Variants in COQ7 observed in about 807,000 individuals in gnomAD.
COQ7 encodes coenzyme Q7, hydroxylase.
Under a neutral mutation model 25.0 loss-of-function variants are expected in COQ7, and 21 were observed. The ratio of observed to expected loss-of-function variants is 0.84; its 90% confidence interval spans 0.60 to 1.21. COQ7 has a LOEUF of 1.21. Ranked by LOEUF, COQ7 falls within the 50% of genes most tolerant of loss-of-function variation. COQ7 has a pLI of 0.00. For synonymous variants in COQ7, 125 were observed against 112.4 expected, an observed-to-expected ratio of 1.11 and a Z score of -0.71; for missense variants, 311 against 296.2, an observed-to-expected ratio of 1.05 and a Z score of -0.37.
Position 19,067,637 on chromosome 16 carries a change from G to T in COQ7, c.-28G>T, listed in dbSNP as rs373677133. On this transcript the variant is annotated 5_prime_UTR_variant, in exon 1 of 6. Coordinates refer to ENST00000321998, the MANE Select transcript of COQ7 (RefSeq NM_016138.5). Reference sequence around the variant, plus strand: ...GCACTATTGGCCAGTTCCGTTCAACGAAGTGGTTGCTTTTTTTAGTTCCGG... The same window carrying T: ...GCACTATTGGCCAGTTCCGTTCAACTAAGTGGTTGCTTTTTTTAGTTCCGG... 2 of 1,613,538 alleles carry T rather than the reference G, an allele frequency of 1.2e-6. No individual in the cohort carries two copies. The highest frequency in any genetic ancestry group is 1.3e-5 in the African/African-American group (1 of 75,026).
intron 3 of COQ7, 101 bp downstream of exon 3, chr16:19,074,136 C>A (rs1392870139): frequency 8.8e-6 from 7 of 794,460 alleles, no homozygotes; most frequent in African/African-American, 1.8e-5. Context: ...CTCTTATGAC[C>A]TCATTCTGTT....
rs189081030 is a variant in COQ7, at chr16:19,078,604, C to G, written c.*446C>G. ...CCAAGTAGCTGGGACTACAGGTGTG[C>G]ACCACCACAGCTGGCTAATTCTATT... is the stretch of plus-strand genomic sequence containing the variant. On this transcript the variant is annotated 3_prime_UTR_variant, in exon 6 of 6. Transcript: ENST00000321998. The G allele has an allele frequency of 3.0e-3, 458 of 152,300 alleles. 4 individuals are homozygous for G. Among genetic ancestry groups the G allele is most frequent in the Non-Finnish European group, 4.9e-3 (331 of 68,120 alleles). The allele number at this position is 152,300 out of a possible 1,614,324, so 9.4% of individuals were successfully genotyped here. A position where few individuals can be genotyped will look rare whatever the true frequency, so the allele number is the denominator to read the frequency against.
chr16:19,071,890 T>C, intron 1 of COQ7, 38 bp from the exon 2 acceptor site: 1 of 1,611,828 alleles, frequency 6.2e-7, no homozygotes, highest in Non-Finnish European at 8.5e-7. Flanking sequence ...ATCTGGATTT[T>C]ACCTGATCAT....
chr16:19,075,963 G>T, intron 4 of COQ7, 103 bp downstream of exon 4: 2 of 1,471,908 alleles, frequency 1.4e-6, no homozygotes, highest in Non-Finnish European at 1.9e-6. Context: ...GATGATGGGG[G>T]TTTAGAGGCT....
chr16:19,073,360 G>A (rs192592673), intron 2 of COQ7, among the ~76,000 whole-genome samples: 9 of 152,046 alleles, frequency 5.9e-5, no homozygotes, highest in African/African-American at 2.2e-4. Context: ...AGGTGTAGTG[G>A]CATGTGACTG....
In COQ7 at chr16:19,079,778, G is replaced by A. The variant is rs1488092758; in HGVS notation, c.*1620G>A. 6.6e-6 allele frequency: 1 copy of A among 152,134 alleles called. No homozygotes were observed. The highest frequency in any genetic ancestry group is 2.1e-4 in the South Asian group (1 of 4,830). The allele number at this position is 152,134 out of a possible 1,614,324, so 9.4% of individuals were successfully genotyped here. On this transcript the variant is annotated 3_prime_UTR_variant, in exon 6 of 6. Coordinates refer to ENST00000321998, the MANE Select transcript of COQ7 (RefSeq NM_016138.5). ...GACTTGGCAGGACTTGCCCCACCAG[G>A]GTCTGGCTTTGAAGGGTAGTGGACA... is the stretch of plus-strand genomic sequence containing the variant.
chr16:19,067,733 C>G lies in COQ7; in HGVS notation c.69C>G (p.Leu23=). 1.9e-6 allele frequency: 3 copies of G among 1,603,508 alleles called. No homozygotes were observed. The highest frequency in any genetic ancestry group is 2.2e-5 in the East Asian group (1 of 44,788). ...WRLRPGARRS[L]SAYGRRTSVR... ...TGCGCCCGGGGGCCCGGCGGTCCCT[C>G]TCAGGTAAAAGGAGGCGCGCAGTCA... The change falls in exon 1 of 6, where the codon CTC becomes CTG. Residue 23 remains leucine (L), a synonymous_variant. Transcript: ENST00000321998.
chr16:19,081,139 A>G (rs1386537311), downstream of COQ7, among the ~76,000 whole-genome samples: 2 of 152,210 alleles, frequency 1.3e-5, no homozygotes, highest in African/African-American at 2.4e-5. Context: ...ATTTTGAGCT[A>G]TTTACAGCTT....
chr16:19,068,127 C>T (rs2142350845), intron 1 of COQ7: 2 of 1,062,076 alleles, frequency 1.9e-6, no homozygotes, highest in East Asian at 8.0e-5. Flanking sequence ...AGCCCGACGA[C>T]CAGCAGCCTC....
chr16:19,073,317 A>AAAAAAAACC (rs747808344), intron 2 of COQ7, among the ~76,000 whole-genome samples: 1 of 98,300 alleles, frequency 1.0e-5, no homozygotes, highest in Non-Finnish European at 2.3e-5. Context: ...TCAAAAAAAC[A>AAAAAAAACC]AAAAAAACCG....
intron 4 of COQ7, 26 bp from the exon 5 acceptor site, chr16:19,077,280 G>A: frequency 6.2e-7 from 1 of 1,608,264 alleles, no homozygotes; most frequent in Non-Finnish European, 8.5e-7. Flanking sequence ...AGGCTAACTT[G>A]CTTTGGTGTC....
downstream of COQ7, among the ~76,000 whole-genome samples, chr16:19,083,022 T>C (rs1185202818): frequency 6.6e-6 from 1 of 152,152 alleles, no homozygotes; most frequent in Non-Finnish European, 1.5e-5. Context: ...AAAAATGTTC[T>C]AGAATCGGTG....
In COQ7 at chr16:19,075,815, G is replaced by A; in HGVS notation, c.462G>A (p.Arg154=). 6.2e-7 allele frequency: 1 copy of A among 1,614,230 alleles called. No individual in the cohort carries two copies. The highest frequency in any genetic ancestry group is 1.1e-5 in the South Asian group (1 of 91,084). Residue 154 remains arginine (R), a synonymous_variant, in exon 4 of 6, where the codon AGG becomes AGA. Coordinates refer to ENST00000321998, the MANE Select transcript of COQ7 (RefSeq NM_016138.5). The stretch of plus-strand genomic sequence containing the variant: ...CACATCACTACAACAACCAGATCAG[G>A]ACGCTGATGGAGGAGGACCCTGAAA... ...SIAHHYNNQI[R]TLMEEDPEKY... is the part of the protein sequence containing the mutation.
At chr16:19,068,252 CTG>C in intron 1 of COQ7, 2 of 996,940 alleles carry the variant, frequency 2.0e-6, no homozygotes, top group Non-Finnish European at 2.4e-6. Context: ...GCACTGTAAA[CTG>C]TGAAAGCCAT....
downstream of COQ7, among the ~76,000 whole-genome samples, chr16:19,082,467 GC>G (rs1427140661): frequency 6.6e-6 from 1 of 151,646 alleles, no homozygotes; most frequent in Non-Finnish European, 1.5e-5. Flanking sequence ...GAACAGTCTA[GC>G]CTGGGTGACT....
In COQ7 at chr16:19,074,037, T is replaced by G; in HGVS notation, c.367+2T>G. The G allele has an allele frequency of 6.2e-7, 1 of 1,608,114 alleles. No individual in the cohort carries two copies. Among genetic ancestry groups the G allele is most frequent in the Non-Finnish European group, 8.5e-7 (1 of 1,175,550 alleles). ...GGAACGTGCTGGGGTTTGCACTGGG[T>G]ACGTGTCTCTCTAGAAGAGCTTATG... On this transcript the variant is annotated splice_donor_variant, in intron 3 of 5. Coordinates refer to ENST00000321998, the MANE Select transcript of COQ7 (RefSeq NM_016138.5). LOFTEE classifies it high-confidence loss of function.
At chr16:19,075,688 C>G (rs1403486495) in intron 3 of COQ7, 33 bp from the exon 4 acceptor site, 5 of 1,535,704 alleles carry the variant, frequency 3.3e-6, no homozygotes, top group Non-Finnish European at 4.4e-6. Flanking sequence ...ATATCTGTCT[C>G]TTACTTTTCT....
At chr16:19,071,790 CAG>C in intron 1 of COQ7, 136 bp from the exon 2 acceptor site, 2 of 849,038 alleles carry the variant, frequency 2.4e-6, no homozygotes, top group East Asian at 5.0e-5. Flanking sequence ...GTAGGTTAAA[CAG>C]AGTCCGTTTA....
downstream of COQ7, among the ~76,000 whole-genome samples, chr16:19,080,595 A>G (rs1193669990): frequency 6.6e-6 from 1 of 152,132 alleles, no homozygotes; most frequent in Non-Finnish European, 1.5e-5. Context: ...ATTATTTGAC[A>G]TGTTTAATTA....
Sources: allele counts gnomAD v4.1 joint callset (sites outside exome capture counted in the v4.1 genomes callset), GRCh38; gene constraint gnomAD v4.1.1; transcripts MANE v1.5; gene names NCBI Gene and HGNC (gene_info 2026-07-23, HGNC 2026-07-21).